Variants in GALNT12 observed in about 807,000 individuals in gnomAD.
GALNT12 encodes the protein UDP-GalNAc:polypeptide N-acetylgalactosaminyltransferase 12.
A neutral mutation model predicts 55.5 loss-of-function variants in GALNT12; 45 were observed. The observed-to-expected ratio is 0.81, with a 90% CI of 0.64 to 1.04. GALNT12 has a LOEUF of 1.04. Among genes scored for constraint, GALNT12 ranks in the 50% least tolerant of loss-of-function variants. The probability of loss-of-function intolerance (pLI) is 0.00; values close to 1 mark genes in which losing one functional copy is unlikely to be tolerated. For synonymous variants in GALNT12, 304 were observed against 312.2 expected (o/e 0.97, Z 0.28); for missense variants, 709 against 754.8 (o/e 0.94, Z 0.71).
In GALNT12 at chr9:98,823,345, G is replaced by A. The variant is rs756339026; in HGVS notation, c.461G>A (p.Arg154Gln). The A allele has an allele frequency of 1.9e-5, 30 of 1,613,876 alleles. No homozygotes were observed. In the South Asian group the frequency reaches 2.9e-4, roughly 15 times the overall value. Residue 154 changes from arginine to glutamine, a missense_variant, in exon 2 of 10, where the codon CGG becomes CAG. This residue lies in a region of GALNT12 where 315 missense variants were observed against 288.6 expected (regional missense o/e 1.09). Coordinates refer to ENST00000375011, the MANE Select transcript of GALNT12 (RefSeq NM_024642.5). ...FYNEAWSTLLRTVYSVLETSP... is the reference protein window; with the variant it reads ...FYNEAWSTLLQTVYSVLETSP... ...AATGAAGCCTGGTCAACTCTCCTTCGGACAGTTTACAGTGTCCTTGAGACA... is the reference window on the plus strand; with the variant it reads ...AATGAAGCCTGGTCAACTCTCCTTCAGACAGTTTACAGTGTCCTTGAGACA...
At chr9:98,821,580 G>C (rs976207922) in intron 1 of GALNT12, among the ~76,000 whole-genome samples, 1 of 139,092 alleles carries the variant, frequency 7.2e-6, no homozygotes, top group Non-Finnish European at 1.5e-5. Flanking sequence ...AGCCGAGATC[G>C]TGCCACCGCA....
intron 1 of GALNT12, among the ~76,000 whole-genome samples, chr9:98,813,334 G>A (rs1287818235): frequency 6.6e-6 from 1 of 152,140 alleles, no homozygotes; most frequent in Non-Finnish European, 1.5e-5. Flanking sequence ...TGTCATTCTT[G>A]TTTCTTTGTC....
At chr9:98,828,146 G>A (rs1835904637) in intron 3 of GALNT12, among the ~76,000 whole-genome samples, 2 of 152,198 alleles carry the variant, frequency 1.3e-5, no homozygotes, top group Admixed American at 1.3e-4. Context: ...TGCAGCTGGG[G>A]AACTGCTTCC....
Position 98,831,807 on chromosome 9 carries a change from T to C in GALNT12, c.767T>C (p.Val256Ala). 6.2e-7 allele frequency: 1 copy of C among 1,614,164 alleles called. No homozygotes were observed. Among genetic ancestry groups the C allele is most frequent in the South Asian group, 1.1e-5 (1 of 91,078 alleles). The stretch of plus-strand genomic sequence containing the variant: ...GAGGAGTCGGCAGTGGTGTGCCCGG[T>C]GATTGATGTGATCGACTGGAACACC... The part of the protein sequence containing the change: ...HEEESAVVCP[V>A]IDVIDWNTFE... The change falls in exon 4 of 10, where the codon GTG becomes GCG. Residue 256 changes from valine to alanine, a missense_variant. Transcript: ENST00000375011.
At position 98,844,137 on chromosome 9, in the gene GALNT12, C is replaced by A. The variant is rs143336366; in HGVS notation, c.1386C>A (p.Asn462Lys). ...TAACAGACTACTGCTTTGACTATAA[C>A]CCTCCCGATGAAAACCAGATTGTGG... ...KGLTDYCFDYNPPDENQIVGH... is the reference protein window; with the variant it reads ...KGLTDYCFDYKPPDENQIVGH... The change falls in exon 8 of 10, where the codon AAC becomes AAA. Residue 462 changes from asparagine (N) to lysine (K), a missense_variant. Around this residue, in one of 5 missense-constraint regions of GALNT12, gnomAD observed 262 missense variants for 310.7 expected, o/e 0.84. Transcript: ENST00000375011. 1 of 1,613,824 alleles carries A rather than the reference C, an allele frequency of 6.2e-7. No homozygotes were observed. Among genetic ancestry groups the A allele is most frequent in the African/African-American group, 1.3e-5 (1 of 74,902 alleles).
intron 9 of GALNT12, chr9:98,848,736 C>A (rs1588461139): frequency 8.3e-6 from 5 of 604,868 alleles, no homozygotes. Context: ...GCAGGTGGCA[C>A]CATCGGTCCT....
Position 98,849,142 on chromosome 9 carries a change from C to G in GALNT12, c.*50C>G. 1 of 1,604,258 alleles carries G rather than the reference C, an allele frequency of 6.2e-7. No homozygotes were observed. The highest frequency in any genetic ancestry group is 8.5e-7 in the Non-Finnish European group (1 of 1,171,780). On this transcript the variant is annotated 3_prime_UTR_variant, in exon 10 of 10. Transcript: ENST00000375011. Reference sequence around the variant, plus strand: ...CGAAGGAGACTGTGGAGCCAGGACTCTGCCCAACAAAGACTTAGCTAAGCA... The same window carrying G: ...CGAAGGAGACTGTGGAGCCAGGACTGTGCCCAACAAAGACTTAGCTAAGCA...
chr9:98,835,426 T>A, intron 5 of GALNT12, 60 bp downstream of exon 5: 3 of 1,064,410 alleles, frequency 2.8e-6, no homozygotes, highest in Non-Finnish European at 4.4e-6. Context: ...TTGGGAACGA[T>A]GGGATTTGCT....
At chr9:98,826,698 G>A in intron 2 of GALNT12, 54 bp from the exon 3 acceptor site, 1 of 1,559,198 alleles carries the variant, frequency 6.4e-7, no homozygotes, top group Non-Finnish European at 8.7e-7. Context: ...GTTGGGATGA[G>A]GCGCTCCTCC....
intron 3 of GALNT12, among the ~76,000 whole-genome samples, chr9:98,831,565 C>A (rs1049805318): frequency 1.3e-5 from 2 of 152,148 alleles, no homozygotes; most frequent in African/African-American, 4.8e-5. Flanking sequence ...TTTTAAAGCC[C>A]TCCGTGGCCC....
chr9:98,824,911 C>T (rs893654615), intron 2 of GALNT12, among the ~76,000 whole-genome samples: 5 of 152,154 alleles, frequency 3.3e-5, no homozygotes, highest in Admixed American at 1.3e-4. Context: ...TAAATCTCTC[C>T]GTGTGGACAT....
In GALNT12 at chr9:98,826,222, A is replaced by G. The variant is rs555169599; in HGVS notation, c.542-530A>G. 3.9e-5 allele frequency among the ~76,000 whole-genome samples: 6 copies of G among 152,336 alleles called. No homozygotes were observed. The East Asian group carries it at 9.6e-4, about 24-fold the overall frequency. ...GCCTCAGAGGATTGTTATGAGGATC[A>G]GATAGGTTATCTAGAAATCACCTAG... On this transcript the variant is annotated intron_variant, in intron 2 of 9. Transcript: ENST00000375011.
intron 7 of GALNT12, among the ~76,000 whole-genome samples, chr9:98,841,530 G>A (rs1176423533): frequency 6.6e-6 from 1 of 152,174 alleles, no homozygotes; most frequent in Non-Finnish European, 1.5e-5. Flanking sequence ...TTCAAATGGA[G>A]TTGCCAAATG....
intron 3 of GALNT12, 101 bp from the exon 4 acceptor site, chr9:98,831,671 C>T (rs1332830841): frequency 3.8e-6 from 5 of 1,310,620 alleles, no homozygotes; most frequent in East Asian, 2.4e-5. Context: ...GTTCCTCCCT[C>T]TTATTGGAAG....
intron 4 of GALNT12, among the ~76,000 whole-genome samples, chr9:98,834,400 T>A (rs915754681): frequency 1.3e-5 from 2 of 152,148 alleles, no homozygotes; most frequent in Non-Finnish European, 2.9e-5. Context: ...GGATTACAGG[T>A]ATGAGCCACC....
chr9:98,818,254 G>A (rs780245824), intron 1 of GALNT12, among the ~76,000 whole-genome samples: 4 of 150,960 alleles, frequency 2.6e-5, no homozygotes, highest in South Asian at 4.2e-4. Flanking sequence ...ACGAAGTCTC[G>A]CTCTGTTGCC....
At chr9:98,842,052 C>T (rs1452851650) in intron 7 of GALNT12, among the ~76,000 whole-genome samples, 2 of 145,704 alleles carry the variant, frequency 1.4e-5, no homozygotes, top group African/African-American at 5.1e-5. Context: ...TAGTTTCCTC[C>T]AGTTGTATCT....
intron 3 of GALNT12, among the ~76,000 whole-genome samples, chr9:98,827,509 C>A (rs1266861323): frequency 1.3e-5 from 2 of 152,094 alleles, no homozygotes; most frequent in Admixed American, 1.3e-4. Flanking sequence ...TGCAGAAAAC[C>A]GAGGAAGTAT....
rs145068486 is a variant in GALNT12 at position 98,835,779 on chromosome 9, A to G, written c.1035+413A>G. On this transcript the variant is annotated intron_variant, in intron 5 of 9. Coordinates refer to ENST00000375011, the MANE Select transcript of GALNT12 (RefSeq NM_024642.5). Reference sequence around the variant, plus strand: ...GAGACGGAGTCTCGCTCTGTCGCCCAGGCTGGAGCGCAGTGGCACGATCTC... The same window carrying G: ...GAGACGGAGTCTCGCTCTGTCGCCCGGGCTGGAGCGCAGTGGCACGATCTC... Among the ~76,000 whole-genome samples the G allele has an allele frequency of 1.6e-3, 238 of 151,092 alleles. 1 individual carries two copies. Among genetic ancestry groups the G allele is most frequent in the Admixed American group, 4.2e-3 (63 of 15,110 alleles).
Sources: allele counts gnomAD v4.1 joint callset (sites outside exome capture counted in the v4.1 genomes callset), GRCh38; gene constraint gnomAD v4.1.1; regional missense constraint gnomAD v4.1.1; transcripts MANE v1.5; gene names NCBI Gene and HGNC (gene_info 2026-07-23, HGNC 2026-07-21).